GALNT13: variants seen among roughly 807,000 people sequenced by gnomAD.
GALNT13 encodes polypeptide N-acetylgalactosaminyltransferase 13.
A neutral mutation model predicts 64.2 loss-of-function variants in GALNT13; 28 were observed. The ratio of observed to expected loss-of-function variants is 0.44; its 90% CI spans 0.32 to 0.60. GALNT13 has a LOEUF of 0.60. Ranked by LOEUF, GALNT13 falls within the 20% of genes least tolerant of loss-of-function variation. The pLI is 0.05. For missense variants in GALNT13, 577 were observed against 669.8 expected, an observed-to-expected ratio of 0.86 and a Z score of 1.53; for synonymous variants, 214 against 224.6, an observed-to-expected ratio of 0.95 and a Z score of 0.42.
chr2:154,394,715 T>C (rs1698975920), intron 9 of GALNT13, among the ~76,000 whole-genome samples: 1 of 152,236 alleles, frequency 6.6e-6, no homozygotes, highest in Non-Finnish European at 1.5e-5. Flanking sequence ...GGATTGGAAG[T>C]TCTGAATAGA....
intron 9 of GALNT13, among the ~76,000 whole-genome samples, chr2:154,319,719 G>A (rs1694520690): frequency 6.6e-6 from 1 of 151,332 alleles, no homozygotes; most frequent in African/African-American, 2.4e-5. Context: ...CTGAAATGTT[G>A]CTTTGATGAT....
At chr2:153,145,991 T>G in the GALNT13 span, among the ~76,000 whole-genome samples, 2 of 151,790 alleles carry the variant, frequency 1.3e-5, no homozygotes, top group East Asian at 3.9e-4. Flanking sequence ...TAGCTTCATG[T>G]CTTGGGAAAC....
At chr2:154,436,143 T>G (rs1437676337) in intron 11 of GALNT13, 1 of 152,206 alleles carries the variant, frequency 6.6e-6, no homozygotes, top group East Asian at 1.9e-4. Flanking sequence ...TTTTTAACAT[T>G]GCTTGTGAGC....
chr2:153,476,054 C>A, the GALNT13 span, among the ~76,000 whole-genome samples: 2 of 152,278 alleles, frequency 1.3e-5, no homozygotes, highest in East Asian at 1.9e-4. Context: ...ACCAAAACAA[C>A]AAACAAGCAA....
At chr2:153,105,954 A>C in the GALNT13 span, among the ~76,000 whole-genome samples, 1 of 152,084 alleles carries the variant, frequency 6.6e-6, no homozygotes, top group African/African-American at 2.4e-5. Flanking sequence ...TTTTCTTTAT[A>C]TGTTGCTTTC....
chr2:153,662,633 C>A, the GALNT13 span, among the ~76,000 whole-genome samples: 3 of 152,154 alleles, frequency 2.0e-5, no homozygotes, highest in Admixed American at 6.5e-5. Flanking sequence ...TAATGAAAAT[C>A]CACTACAGTG....
At chr2:154,265,159 C>T (rs1690922242) in intron 8 of GALNT13, among the ~76,000 whole-genome samples, 1 of 151,922 alleles carries the variant, frequency 6.6e-6, no homozygotes, top group African/African-American at 2.4e-5. Context: ...TGGAATGGAA[C>T]ATTATCATTC....
chr2:154,439,450 T>A (rs1392255042), intron 12 of GALNT13, among the ~76,000 whole-genome samples: 3 of 151,230 alleles, frequency 2.0e-5, no homozygotes, highest in African/African-American at 4.9e-5. Flanking sequence ...CAAAATGAAT[T>A]GGTTGTCTGT....
chr2:153,405,207 G>GA, the GALNT13 span, among the ~76,000 whole-genome samples: 19 of 152,142 alleles, frequency 1.2e-4, no homozygotes, highest in African/African-American at 4.3e-4. Flanking sequence ...CATATTGCAA[G>GA]AAAGACAATA....
chr2:153,147,063 A>G, the GALNT13 span, among the ~76,000 whole-genome samples: 1 of 151,820 alleles, frequency 6.6e-6, no homozygotes, highest in African/African-American at 2.4e-5. Flanking sequence ...GTAGTATCTC[A>G]TTTTATAGGT....
the GALNT13 span, among the ~76,000 whole-genome samples, chr2:153,642,511 A>G: frequency 7.2e-5 from 11 of 152,024 alleles, no homozygotes; most frequent in African/African-American, 2.6e-4. Context: ...GAAAGGTATA[A>G]TTATCCAAAA....
At chr2:154,429,730 A>G (rs748116963) in intron 11 of GALNT13, among the ~76,000 whole-genome samples, 1 of 152,230 alleles carries the variant, frequency 6.6e-6, no homozygotes, top group Non-Finnish European at 1.5e-5. Context: ...ATAGCTAGAA[A>G]AGCGAAGTCA....
the GALNT13 span, among the ~76,000 whole-genome samples, chr2:153,485,878 C>T: frequency 5.9e-5 from 9 of 152,098 alleles, no homozygotes; most frequent in Admixed American, 2.6e-4. Flanking sequence ...CTAGCCTCGG[C>T]GACAGAGCAA....
chr2:154,345,143 A>G (rs1175589554), intron 9 of GALNT13, among the ~76,000 whole-genome samples: 3 of 152,066 alleles, frequency 2.0e-5, no homozygotes, highest in Non-Finnish European at 4.4e-5. Flanking sequence ...AAAAGACCTT[A>G]GATAAATAAG....
chr2:154,045,158 A>G (rs1472483271), intron 3 of GALNT13, among the ~76,000 whole-genome samples: 2 of 152,250 alleles, frequency 1.3e-5, no homozygotes, highest in African/African-American at 2.4e-5. Context: ...TAACAGAATA[A>G]GAGGTGCTAC....
At chr2:153,339,023 T>C in the GALNT13 span, among the ~76,000 whole-genome samples, 1 of 152,240 alleles carries the variant, frequency 6.6e-6, no homozygotes, top group African/African-American at 2.4e-5. Flanking sequence ...TATTCATCTG[T>C]TGATGGACAC....
At chr2:153,628,155 T>C in the GALNT13 span, among the ~76,000 whole-genome samples, 2 of 152,128 alleles carry the variant, frequency 1.3e-5, no homozygotes, top group South Asian at 4.1e-4. Flanking sequence ...CTGTCTGTTA[T>C]TGGTGTATAA....
chr2:154,427,474 A>G (rs569676846), intron 11 of GALNT13, among the ~76,000 whole-genome samples: 10 of 152,170 alleles, frequency 6.6e-5, no homozygotes, highest in Non-Finnish European at 1.3e-4. Flanking sequence ...AGTCCTAGTG[A>G]TGTGATCAGC....
the GALNT13 span, among the ~76,000 whole-genome samples, chr2:153,466,779 AG>A: frequency 2.6e-5 from 4 of 151,998 alleles, no homozygotes; most frequent in Admixed American, 2.0e-4. Flanking sequence ...TTCTGGGTTA[AG>A]TTTTAGCATA....
Sources: allele counts gnomAD v4.1 joint callset (sites outside exome capture counted in the v4.1 genomes callset), GRCh38; gene constraint gnomAD v4.1.1; transcripts MANE v1.5; gene names NCBI Gene and HGNC (gene_info 2026-07-23, HGNC 2026-07-21).